Variants in TCTN1 observed in about 807,000 individuals in gnomAD.
TCTN1 encodes tectonic family member 1.
Under a neutral mutation model 65.8 loss-of-function variants are expected in TCTN1, and 58 were observed. The observed-to-expected ratio is 0.88, with a 90% confidence interval of 0.71 to 1.10. TCTN1 has a LOEUF of 1.10. Ranked by LOEUF, TCTN1 falls within the 50% of genes least tolerant of loss-of-function variation. TCTN1 has a pLI of 0.00. For synonymous variants in TCTN1, 273 were observed against 289.1 expected, an observed-to-expected ratio of 0.94 and a Z score of 0.57; for missense variants, 645 against 719.4, an observed-to-expected ratio of 0.90 and a Z score of 1.18.
chr12:110,626,279 G>A (rs2065836606), intron 2 of TCTN1, 83 bp from the exon 3 acceptor site: 1 of 1,424,118 alleles, frequency 7.0e-7, no homozygotes, highest in Non-Finnish European at 9.5e-7. Flanking sequence ...TACAGTACAA[G>A]CATCTGACAG....
chr12:110,640,602 G>T lies in TCTN1; in HGVS notation c.978+85G>T. 1.3e-6 allele frequency: 2 copies of T among 1,598,070 alleles called. No homozygotes were observed. Among genetic ancestry groups the T allele is most frequent in the South Asian group, 2.2e-5 (2 of 90,182 alleles). Reference sequence around the variant, plus strand: ...CCGGGGTAACTGGACGCCCTCCGAGGACGCTCTGTCCCAGCCCATGGTGTG... The same window carrying T: ...CCGGGGTAACTGGACGCCCTCCGAGTACGCTCTGTCCCAGCCCATGGTGTG... On this transcript the variant is annotated intron_variant, in intron 8 of 14. Transcript: ENST00000397659. This position sits in a 1 kb window ranked among gnomAD's most constrained non-coding sequence, Gnocchi z 4.9.
At chr12:110,614,550 A>C in intron 1 of TCTN1, 148 bp downstream of exon 1, 4 of 1,468,506 alleles carry the variant, frequency 2.7e-6, no homozygotes, top group South Asian at 2.4e-5. Flanking sequence ...TCCATTCTCT[A>C]AACAATAACC....
intron 6 of TCTN1, 124 bp from the exon 7 acceptor site, chr12:110,636,357 G>C (rs1352443219): frequency 1.5e-6 from 1 of 681,602 alleles, no homozygotes; most frequent in South Asian, 1.5e-5. Flanking sequence ...AGGAAATTCT[G>C]TTTTCTTCTT....
chr12:110,645,150 G>A (rs2067213012), intron 12 of TCTN1, 21 bp downstream of exon 12: 1 of 1,612,996 alleles, frequency 6.2e-7, no homozygotes, highest in South Asian at 1.1e-5. Context: ...GAAGGTACAG[G>A]TTCCATGCTA....
chr12:110,647,434 A>G (rs890302773), intron 13 of TCTN1, 98 bp downstream of exon 13: 6 of 1,486,122 alleles, frequency 4.0e-6, no homozygotes, highest in Non-Finnish European at 5.6e-6. Context: ...AAAAGATTAT[A>G]ATTTAAACCA....
At chr12:110,619,572 C>A (rs2065275435) in intron 1 of TCTN1, among the ~76,000 whole-genome samples, 1 of 152,198 alleles carries the variant, frequency 6.6e-6, no homozygotes. Flanking sequence ...GTTTCATATT[C>A]AGCTTACGAA....
rs754101528 is a variant in TCTN1 at position 110,640,409 on chromosome 12, C to T, written c.870C>T (p.Val290=). ...TCCCTATCACTGTTCAGTCCATCGT[C>T]ATTCAGTCTCTAAATAAAACGCTCA... is the stretch of plus-strand genomic sequence containing the variant. ...KKVPITVQSI[V]IQSLNKTLTR... is the part of the protein sequence containing the mutation. The change falls in exon 8 of 15, where the codon GTC becomes GTT. Residue 290 remains valine (V), a synonymous_variant. Coordinates refer to ENST00000397659, the MANE Select transcript of TCTN1 (RefSeq NM_001082538.3). The surrounding 1 kb of genome is among the most constrained non-coding windows in gnomAD (Gnocchi z 4.9). The T allele has an allele frequency of 1.2e-6, 2 of 1,614,082 alleles. No individual in the cohort carries two copies. The highest frequency in any genetic ancestry group is 2.2e-5 in the East Asian group (1 of 44,886).
Position 110,628,774 on chromosome 12 carries a change from T to C in TCTN1, c.480T>C (p.Pro160=). The change falls in exon 4 of 15, where the codon CCT becomes CCC. Residue 160 remains proline, a synonymous_variant. Transcript: ENST00000397659. ...GTTTTTTTTAAAAAACAGATAAACC[T>C]GCATTATCCTTTATTAATCCAGAAG... The part of the protein sequence containing the change: ...IFCIHITNYK[P]ALSFINPEVP... 6.2e-7 allele frequency: 1 copy of C among 1,601,846 alleles called. No homozygotes were observed. Among genetic ancestry groups the C allele is most frequent in the Non-Finnish European group, 8.5e-7 (1 of 1,170,330 alleles).
At chr12:110,629,803 G>A (rs1593288912) in intron 4 of TCTN1, 2 of 152,244 alleles carry the variant, frequency 1.3e-5, no homozygotes, top group South Asian at 4.1e-4. Flanking sequence ...TATGTTTATT[G>A]CAGCACTATT....
rs771463400 is a variant in TCTN1, at chr12:110,628,749, GT to G, written c.473-10del. 1.5e-5 allele frequency: 23 copies of G among 1,580,000 alleles called. No homozygotes were observed. In the Admixed American group the frequency reaches 1.9e-4, roughly 13 times the overall value. On this transcript the variant is annotated splice_polypyrimidine_tract_variant and intron_variant, in intron 3 of 14. Transcript: ENST00000397659. Reference sequence around the variant, plus strand: ...ATATTTTATACCGATTTAAAATACTGTTTTTTTTAAAAAACAGATAAACCTG... The same window carrying G: ...ATATTTTATACCGATTTAAAATACTGTTTTTTTAAAAAACAGATAAACCTG...
chr12:110,618,159 G>A (rs1173626185), intron 1 of TCTN1, among the ~76,000 whole-genome samples: 1 of 148,102 alleles, frequency 6.8e-6, no homozygotes, highest in Non-Finnish European at 1.5e-5. Context: ...TGCAACCTCT[G>A]CCTTCTGGGT....
chr12:110,622,257 C>CT (rs1404186982), intron 2 of TCTN1, among the ~76,000 whole-genome samples: 2 of 152,124 alleles, frequency 1.3e-5, no homozygotes, highest in Non-Finnish European at 1.5e-5. Context: ...AGGCCGACAC[C>CT]AGGCCAAAAA....
rs182008368 is a variant in TCTN1, at chr12:110,626,654, A to T, written c.472+162A>T. On this transcript the variant is annotated intron_variant, in intron 3 of 14. Transcript: ENST00000397659. ...GCGTGCAGTGGCGCAATCTCGGCTCACTGAAACCTCCACCTCCCAGATTCA... is the reference window on the plus strand; with the variant it reads ...GCGTGCAGTGGCGCAATCTCGGCTCTCTGAAACCTCCACCTCCCAGATTCA... Among the ~76,000 whole-genome samples the T allele has an allele frequency of 1.4e-3, 208 of 151,864 alleles. 1 individual carries two copies. Among genetic ancestry groups the T allele is most frequent in the Middle Eastern group, 6.8e-3 (2 of 292 alleles).
chr12:110,648,777 G>A, intron 14 of TCTN1: 2 of 299,536 alleles, frequency 6.7e-6, no homozygotes, highest in Non-Finnish European at 1.3e-5. Flanking sequence ...ACAGTAGGAG[G>A]GTCCAGGGAA....
chr12:110,617,322 C>G (rs2065111621), intron 1 of TCTN1, among the ~76,000 whole-genome samples: 1 of 151,676 alleles, frequency 6.6e-6, no homozygotes. Context: ...TTGCAGAGTG[C>G]ATTATACCTT....
At chr12:110,633,193 T>C (rs1001869658) in intron 5 of TCTN1, among the ~76,000 whole-genome samples, 2 of 152,306 alleles carry the variant, frequency 1.3e-5, no homozygotes, top group African/African-American at 4.8e-5. Flanking sequence ...CCCTAGGCAG[T>C]GGAAGGCAGC....
Position 110,631,635 on chromosome 12 carries a change from AAAAC to A in TCTN1, c.625-821_625-818del, listed in dbSNP as rs941842712. The stretch of plus-strand genomic sequence containing the variant: ...GGCAATAGAGCAAGACTCCATCTCA[AAAAC>A]AAACAAACAAACAAAGCCAAAATAT... On this transcript the variant is annotated intron_variant, in intron 4 of 14. Transcript: ENST00000397659. 9.2e-4 allele frequency among the ~76,000 whole-genome samples: 140 copies of A among 152,238 alleles called. 1 individual carries two copies. Among genetic ancestry groups the A allele is most frequent in the Middle Eastern group, 3.4e-3 (1 of 294 alleles).
chr12:110,640,533 G>A lies in TCTN1; in HGVS notation c.978+16G>A, dbSNP rs1417616726. On this transcript the variant is annotated intron_variant, in intron 8 of 14. Coordinates refer to ENST00000397659, the MANE Select transcript of TCTN1 (RefSeq NM_001082538.3). The surrounding 1 kb of genome is among the most constrained non-coding windows in gnomAD (Gnocchi z 4.9). ...TGTTCTTGAGGTAGGTGCCGAGTTT[G>A]GCTTTGAGAGCTTGTCTGTGGCAGA... 1 of 1,614,116 alleles carries A rather than the reference G, an allele frequency of 6.2e-7. No individual in the cohort carries two copies. Among genetic ancestry groups the A allele is most frequent in the Non-Finnish European group, 8.5e-7 (1 of 1,180,022 alleles).
rs2064877861 is a variant in TCTN1, at chr12:110,614,317, C to T, written c.135C>T (p.Phe45=). 3.7e-6 allele frequency: 6 copies of T among 1,604,364 alleles called. No individual in the cohort carries two copies. The highest frequency in any genetic ancestry group is 5.1e-6 in the Non-Finnish European group (6 of 1,176,276). Reference sequence around the variant, plus strand: ...CCACCGAGGCAGCCCTGGCCACCTTCGGAACTTTCCCGTCGACCAGGCCCC... The same window carrying T: ...CCACCGAGGCAGCCCTGGCCACCTTTGGAACTTTCCCGTCGACCAGGCCCC... The part of the protein sequence containing the change: ...LNSTEAALAT[F]GTFPSTRPPG... Residue 45 remains phenylalanine, a synonymous_variant, in exon 1 of 15, where the codon TTC becomes TTT. Transcript: ENST00000397659.
Sources: gnomAD v4.1 joint callset for allele counts (sites outside exome capture counted in the v4.1 genomes callset) on GRCh38, gnomAD v4.1.1 for gene constraint, Gnocchi (gnomAD v3.1) non-coding constraint, MANE v1.5 for transcripts, NCBI Gene and HGNC (gene_info 2026-07-23, HGNC 2026-07-21) for gene names.